PEDS1: variants seen among roughly 807,000 people sequenced by gnomAD.
PEDS1 encodes the protein CarF homolog.
In PEDS1, 14 loss-of-function variants were observed where a neutral mutation model predicts 35.2. That is an observed-to-expected ratio of 0.40 (90% CI 0.26 to 0.62). The LOEUF is 0.62. PEDS1 is among the 20% of genes least tolerant of loss of function. The probability of loss-of-function intolerance (pLI) is 0.44; values close to 1 mark genes in which losing one functional copy is unlikely to be tolerated. For missense variants in PEDS1, 260 were observed against 367.8 expected (o/e 0.71, Z 2.40); for synonymous variants, 152 against 152.0 (o/e 1.00, Z 0.00).
At chr20:50,135,301 T>C (rs1251575232) in intron 2 of PEDS1, among the ~76,000 whole-genome samples, 1 of 152,092 alleles carries the variant, frequency 6.6e-6, no homozygotes, top group African/African-American at 2.4e-5. Flanking sequence ...ATCAACAGCA[T>C]TCCCAGAATA....
chr20:50,124,815 G>T lies in PEDS1; in HGVS notation c.*243C>A. ...CTCTCTACCAGGGGAGGCTGGCAGA[G>T]TCAGGCTTGCAGATAGAGCAACTCA... is the stretch of plus-strand genomic sequence containing the variant. On this transcript the variant is annotated 3_prime_UTR_variant, in exon 6 of 6. Coordinates refer to ENST00000371652, the MANE Select transcript of PEDS1 (RefSeq NM_199129.4). 1 of 440,044 alleles carries T rather than the reference G, an allele frequency of 2.3e-6. No individual in the cohort carries two copies. The highest frequency in any genetic ancestry group is 4.2e-6 in the Non-Finnish European group (1 of 240,532). The allele number at this position is 440,044 out of a possible 1,614,324, so 27.3% of individuals were successfully genotyped here.
In PEDS1 at chr20:50,122,244, C is replaced by A. The variant is rs950300995; in HGVS notation, c.*2814G>T. ...TAATTCAGAACACCTGTAGACTTTTCCGTTTTATGAGCTAATACGATTATT... is the reference window on the plus strand; with the variant it reads ...TAATTCAGAACACCTGTAGACTTTTACGTTTTATGAGCTAATACGATTATT... On this transcript the variant is annotated 3_prime_UTR_variant, in exon 6 of 6. Transcript: ENST00000371652. 2.0e-5 allele frequency: 3 copies of A among 152,166 alleles called. No individual in the cohort carries two copies. Among genetic ancestry groups the A allele is most frequent in the Non-Finnish European group, 1.5e-5 (1 of 68,036 alleles). 9.4% of individuals were successfully genotyped at this position (152,166 alleles called of 1,614,324 possible).
intron 2 of PEDS1, among the ~76,000 whole-genome samples, chr20:50,136,830 A>G (rs1230099082): frequency 6.6e-6 from 1 of 151,216 alleles, no homozygotes; most frequent in Non-Finnish European, 1.5e-5. Flanking sequence ...TGAGTCCTGG[A>G]GTTCAGTACC....
chr20:50,127,785 T>C (rs912059691), intron 5 of PEDS1, among the ~76,000 whole-genome samples, 190 bp downstream of exon 5: 5 of 152,174 alleles, frequency 3.3e-5, no homozygotes, highest in African/African-American at 1.2e-4. Context: ...TCAGTCTCAT[T>C]TACTGTGTCC....
rs537178374 is a variant in PEDS1, at chr20:50,143,557, G to A, written c.186C>T (p.Val62=). The A allele has an allele frequency of 2.3e-5, 37 of 1,613,888 alleles. No individual in the cohort carries two copies. The East Asian group carries it at 7.6e-4, about 33-fold the overall frequency. Residue 62 remains valine, a synonymous_variant, in exon 2 of 6, where the codon GTC becomes GTT. Transcript: ENST00000371652. ...CCCAGCGGGCCAGCAGCAGGAGATG[G>A]ACCAGGTTGTGGGCGATGAGGCTGA... The part of the protein sequence containing the change: ...LCFSLIAHNL[V]HLLLLARWED...
Position 50,127,868 on chromosome 20 carries a change from G to A in PEDS1, c.691+107C>T. 3.5e-6 allele frequency: 5 copies of A among 1,445,410 alleles called. No individual in the cohort carries two copies. In the South Asian group the frequency reaches 3.9e-5, roughly 11 times the overall value. 89.5% of individuals were successfully genotyped at this position (1,445,410 alleles called of 1,614,324 possible). A position where few individuals can be genotyped will look rare whatever the true frequency, so the allele number is the denominator to read the frequency against. On this transcript the variant is annotated intron_variant, in intron 5 of 5. Coordinates refer to ENST00000371652, the MANE Select transcript of PEDS1 (RefSeq NM_199129.4). ...CATGACCTGAGAGACTGTTCCCAGA[G>A]GGCAAGGACTGTGTGACCTCCTGCT...
intron 2 of PEDS1, among the ~76,000 whole-genome samples, chr20:50,139,011 G>A (rs1394146193): frequency 2.0e-5 from 3 of 152,152 alleles, no homozygotes; most frequent in Non-Finnish European, 4.4e-5. Context: ...TGGAAGGCGT[G>A]GCTGAGGAGC....
rs568009177 is a variant in PEDS1, at chr20:50,127,421, A to G, written c.691+554T>C. 2.1e-5 allele frequency among the ~76,000 whole-genome samples: 3 copies of G among 141,580 alleles called. No homozygotes were observed. In the East Asian group the frequency reaches 6.2e-4, roughly 29 times the overall value. The allele number at this position is 141,580 out of a possible 152,430, so 92.9% of individuals were successfully genotyped here. A position where few individuals can be genotyped will look rare whatever the true frequency, so the allele number is the denominator to read the frequency against. On this transcript the variant is annotated intron_variant, in intron 5 of 5. Coordinates refer to ENST00000371652, the MANE Select transcript of PEDS1 (RefSeq NM_199129.4). ...CAGTGGTGCGATTTCAGCTTACTGC[A>G]ACCTCCACCTCCCAGGTTCAAGCAA...
At chr20:50,140,102 C>T (rs984002618) in intron 2 of PEDS1, among the ~76,000 whole-genome samples, 1 of 152,250 alleles carries the variant, frequency 6.6e-6, no homozygotes, top group Non-Finnish European at 1.5e-5. Context: ...CCTTCCATCT[C>T]TCAAGAGAGA....
At position 50,120,505 on chromosome 20, in the gene PEDS1, T is replaced by G. The variant is rs892456810; in HGVS notation, c.*4553A>C. The G allele has an allele frequency of 7.9e-5, 12 of 151,588 alleles. No homozygotes were observed. Among genetic ancestry groups the G allele is most frequent in the African/African-American group, 2.7e-4 (11 of 41,206 alleles). The allele number at this position is 151,588 out of a possible 1,614,324, so 9.4% of individuals were successfully genotyped here. A position where few individuals can be genotyped will look rare whatever the true frequency, so the allele number is the denominator to read the frequency against. On this transcript the variant is annotated 3_prime_UTR_variant, in exon 6 of 6. Coordinates refer to ENST00000371652, the MANE Select transcript of PEDS1 (RefSeq NM_199129.4). ...CTATATATATATATATACCCATATATATATGTGGGTAGCTTGAAAAATATT... is the reference window on the plus strand; with the variant it reads ...CTATATATATATATATACCCATATAGATATGTGGGTAGCTTGAAAAATATT...
Position 50,153,595 on chromosome 20 carries a change from C to T in PEDS1, c.43G>A (p.Asp15Asn). ...CGGCAACAAGACGCCTCGTCCTCGT[C>T]CAGCTCCAGCTGCTGGCCCGGCCAG... The part of the protein sequence containing the change: ...ENWPGQQLEL[D>N]EDEASCCRWG... The change falls in exon 1 of 6, where the codon GAC (aspartate) becomes AAC (asparagine). Residue 15 changes from aspartate (D) to asparagine (N), a missense_variant. Coordinates refer to ENST00000371652, the MANE Select transcript of PEDS1 (RefSeq NM_199129.4). 7.1e-7 allele frequency: 1 copy of T among 1,413,934 alleles called. No individual in the cohort carries two copies. Among genetic ancestry groups the T allele is most frequent in the South Asian group, 1.4e-5 (1 of 70,598 alleles). 87.6% of individuals were successfully genotyped at this position (1,413,934 alleles called of 1,614,324 possible). A position where few individuals can be genotyped will look rare whatever the true frequency, so the allele number is the denominator to read the frequency against.
chr20:50,129,669 C>A lies in PEDS1; in HGVS notation c.355G>T (p.Glu119Ter). The A allele has an allele frequency of 6.2e-7, 1 of 1,614,062 alleles. No homozygotes were observed. The highest frequency in any genetic ancestry group is 2.2e-5 in the East Asian group (1 of 44,868). Residue 119 changes from glutamate (E) to a stop codon, truncating the protein, a stop_gained, in exon 4 of 6, where the codon GAG becomes TAG. Coordinates refer to ENST00000371652, the MANE Select transcript of PEDS1 (RefSeq NM_199129.4). LOFTEE classifies it high-confidence loss of function. This position sits in a 1 kb window ranked among gnomAD's most constrained non-coding sequence, Gnocchi z 4.2. ...ATAGCTGTCGGGTCAATGTGGTGCT[C>A]CCGGAAGGGTCGGATGAAAGCCTGG... Reference protein sequence around the residue: ...VGKAFIRPFREHHIDPTAITR... With the variant: ...VGKAFIRPFR
chr20:50,147,915 G>A (rs543255796), intron 1 of PEDS1, among the ~76,000 whole-genome samples: 1 of 151,954 alleles, frequency 6.6e-6, no homozygotes, highest in Non-Finnish European at 1.5e-5. Context: ...AATTAGCCAG[G>A]TGTGGTGGTG....
Position 50,124,777 on chromosome 20 carries a change from G to A in PEDS1, c.*281C>T, listed in dbSNP as rs1381407372. On this transcript the variant is annotated 3_prime_UTR_variant, in exon 6 of 6. Transcript: ENST00000371652. Reference sequence around the variant, plus strand: ...GGCAGGGACGGCAGGCGTGCAGGGAGTGGGTAAACCTCCTCTCTACCAGGG... The same window carrying A: ...GGCAGGGACGGCAGGCGTGCAGGGAATGGGTAAACCTCCTCTCTACCAGGG... 2 of 349,986 alleles carry A rather than the reference G, an allele frequency of 5.7e-6. No homozygotes were observed. Among genetic ancestry groups the A allele is most frequent in the African/African-American group, 4.2e-5 (2 of 48,188 alleles). The allele number at this position is 349,986 out of a possible 1,614,324, so 21.7% of individuals were successfully genotyped here.
chr20:50,129,786 G>C lies in PEDS1; in HGVS notation c.334-96C>G, dbSNP rs552100803. Reference sequence around the variant, plus strand: ...CACATTCACCCTGGGCTCACCTCCCGCCTTTGATCCTAAGTTTCCTCCACC... The same window carrying C: ...CACATTCACCCTGGGCTCACCTCCCCCCTTTGATCCTAAGTTTCCTCCACC... On this transcript the variant is annotated intron_variant, in intron 3 of 5. Coordinates refer to ENST00000371652, the MANE Select transcript of PEDS1 (RefSeq NM_199129.4). The surrounding 1 kb of genome is among the most constrained non-coding windows in gnomAD (Gnocchi z 4.2). 2.0e-6 allele frequency: 3 copies of C among 1,529,458 alleles called. No homozygotes were observed. Among genetic ancestry groups the C allele is most frequent in the African/African-American group, 2.7e-5 (2 of 73,102 alleles). The allele number at this position is 1,529,458 out of a possible 1,614,324, so 94.7% of individuals were successfully genotyped here. A position where few individuals can be genotyped will look rare whatever the true frequency, so the allele number is the denominator to read the frequency against.
At chr20:50,142,109 CTG>C (rs1429376826) in intron 2 of PEDS1, among the ~76,000 whole-genome samples, 14 of 152,216 alleles carry the variant, frequency 9.2e-5, no homozygotes, top group African/African-American at 3.4e-4. Flanking sequence ...AAGTGTGACT[CTG>C]GACTAGTCCC....
chr20:50,151,453 G>A (rs1235191111), intron 1 of PEDS1: 2 of 491,252 alleles, frequency 4.1e-6, no homozygotes, highest in East Asian at 1.4e-4. Context: ...AGCAGGCAGA[G>A]CTGGACACTA....
intron 5 of PEDS1, among the ~76,000 whole-genome samples, 160 bp from the exon 6 acceptor site, chr20:50,125,339 C>T (rs983869988): frequency 1.3e-5 from 2 of 152,166 alleles, no homozygotes; most frequent in African/African-American, 4.8e-5. Context: ...GGGGGCCTCC[C>T]ACCAATGGGC....
chr20:50,144,836 CG>C (rs2081330263), intron 1 of PEDS1, among the ~76,000 whole-genome samples: 2 of 152,090 alleles, frequency 1.3e-5, no homozygotes, highest in Non-Finnish European at 2.9e-5. Context: ...TAGTTAAGAC[CG>C]GCTTTTCCCT....
Sources: gnomAD v4.1 joint callset for allele counts (sites outside exome capture counted in the v4.1 genomes callset) on GRCh38, gnomAD v4.1.1 for gene constraint, Gnocchi (gnomAD v3.1) non-coding constraint, MANE v1.5 for transcripts, NCBI Gene and HGNC (gene_info 2026-07-23, HGNC 2026-07-21) for gene names.